COL5A1: variants seen among roughly 807,000 people sequenced by gnomAD.
COL5A1 encodes the protein collagen type V alpha 1 chain.
In COL5A1, 16 loss-of-function variants were observed where a neutral mutation model predicts 263.7. The ratio of observed to expected loss-of-function variants is 0.06; its 90% confidence interval spans 0.04 to 0.09. The LOEUF (loss-of-function observed/expected upper bound fraction) is 0.09, where lower values mean the gene tolerates loss of function less well. Ranked by LOEUF, COL5A1 falls within the 10% of genes least tolerant of loss-of-function variation. COL5A1 has a pLI of 1.00. For missense variants in COL5A1, 2,036 were observed against 2,540.5 expected (o/e 0.80, Z 4.27); for synonymous variants, 1,012 against 1,004.5 (o/e 1.01, Z -0.14).
chr9:134,790,605 CCCATCCATCCATCCATCCATCCAT>C (rs58733002), intron 32 of COL5A1, among the ~76,000 whole-genome samples: 1 of 84,500 alleles, frequency 1.2e-5, no homozygotes, highest in Non-Finnish European at 2.2e-5. Flanking sequence ...CATCCACCCA[CCCATCCATCCATCCATCCATCCAT>C]CCATCCATCC....
chr9:134,759,862 A>C (rs1369538002), intron 18 of COL5A1, among the ~76,000 whole-genome samples: 3 of 41,224 alleles, frequency 7.3e-5, no homozygotes, highest in African/African-American at 1.5e-4. Flanking sequence ...ACACCCCCAC[A>C]CTCACACATG....
chr9:134,710,689 AG>A (rs1168489622), intron 4 of COL5A1, among the ~76,000 whole-genome samples: 1 of 49,012 alleles, frequency 2.0e-5, no homozygotes, highest in Non-Finnish European at 3.8e-5. Context: ...GTGGTGGGGA[AG>A]GGGCCCCATT....
intron 64 of COL5A1, 88 bp downstream of exon 64, chr9:134,830,132 G>A (rs1363760355): frequency 3.1e-6 from 5 of 1,612,586 alleles, no homozygotes; most frequent in East Asian, 2.2e-5. Context: ...CTGGCCCAAA[G>A]AGCAGCCTTC....
rs868321152 is a variant in COL5A1 at position 134,642,416 on chromosome 9, C to T, written c.109+120C>T. On this transcript the variant is annotated intron_variant, in intron 1 of 65. Coordinates refer to ENST00000371817, the MANE Select transcript of COL5A1 (RefSeq NM_000093.5). This position sits in a 1 kb window ranked among gnomAD's most constrained non-coding sequence, Gnocchi z 4.5. ...TTCCTTGGCCTGTGGAATGCACGGG[C>T]CAAGACCACGAATGCCATTTGCTGG... is the stretch of plus-strand genomic sequence containing the variant. The T allele has an allele frequency of 1.7e-4, 36 of 208,998 alleles. No homozygotes were observed. Among genetic ancestry groups the T allele is most frequent in the African/African-American group, 7.5e-4 (32 of 42,798 alleles). 12.9% of individuals were successfully genotyped at this position (208,998 alleles called of 1,614,324 possible). A position where few individuals can be genotyped will look rare whatever the true frequency, so the allele number is the denominator to read the frequency against.
chr9:134,750,691 C>T (rs1312053580), intron 12 of COL5A1, 75 bp downstream of exon 12: 15 of 1,592,800 alleles, frequency 9.4e-6, no homozygotes, highest in East Asian at 2.2e-5. Context: ...TCTGAGGCTG[C>T]GCTGTCACTG....
intron 2 of COL5A1, among the ~76,000 whole-genome samples, chr9:134,691,285 C>A (rs559145203): frequency 1.3e-5 from 2 of 152,284 alleles, no homozygotes; most frequent in Admixed American, 1.3e-4. Flanking sequence ...TGGGCTTTGT[C>A]ACTGTCCTTC....
intron 11 of COL5A1, among the ~76,000 whole-genome samples, chr9:134,747,464 C>T (rs1201549230): frequency 3.3e-5 from 5 of 151,976 alleles, no homozygotes; most frequent in East Asian, 3.9e-4. Flanking sequence ...CCCACACAAA[C>T]GTACACATGC....
At chr9:134,824,562 C>T in intron 61 of COL5A1, 38 bp from the exon 62 acceptor site, 1 of 1,612,128 alleles carries the variant, frequency 6.2e-7, no homozygotes, top group Non-Finnish European at 8.5e-7. Context: ...CCCTTCCCAT[C>T]CTCCATCACC....
At chr9:134,675,150 A>G (rs1193512948) in intron 1 of COL5A1, among the ~76,000 whole-genome samples, 1 of 152,126 alleles carries the variant, frequency 6.6e-6, no homozygotes, top group Non-Finnish European at 1.5e-5. Flanking sequence ...TTTTTTCAGT[A>G]TTGCATGTAA....
chr9:134,818,879 C>G lies in COL5A1; in HGVS notation c.4370C>G (p.Pro1457Arg). ...GEQGLPGSPGPDGPPGPMGPP... is the reference protein window; with the variant it reads ...GEQGLPGSPGRDGPPGPMGPP... The stretch of plus-strand genomic sequence containing the variant: ...CAAGGTCTCCCAGGATCCCCAGGCC[C>G]GGACGGTCCCCCCGGCCCCATGGTG... Residue 1457 changes from proline to arginine, a missense_variant, in exon 56 of 66, where the codon CCG becomes CGG. By Grantham distance (103) the Pro-to-Arg change is moderately radical. Coordinates refer to ENST00000371817, the MANE Select transcript of COL5A1 (RefSeq NM_000093.5). The surrounding 1 kb of genome is among the most constrained non-coding windows in gnomAD (Gnocchi z 6.0). 6.2e-7 allele frequency: 1 copy of G among 1,613,072 alleles called. No homozygotes were observed. Among genetic ancestry groups the G allele is most frequent in the Middle Eastern group, 1.7e-4 (1 of 6,058 alleles).
chr9:134,748,270 T>A (rs1368409331), intron 11 of COL5A1, among the ~76,000 whole-genome samples: 1 of 151,312 alleles, frequency 6.6e-6, no homozygotes, highest in Non-Finnish European at 1.5e-5. Flanking sequence ...TGCACACACA[T>A]GCCTTTACAC....
intron 25 of COL5A1, among the ~76,000 whole-genome samples, chr9:134,771,249 G>C (rs1836856850): frequency 6.6e-6 from 1 of 152,238 alleles, no homozygotes; most frequent in Non-Finnish European, 1.5e-5. Context: ...TCACAGAAAG[G>C]TGTCTGTGGC....
intron 29 of COL5A1, 50 bp from the exon 30 acceptor site, chr9:134,784,939 A>AGT (rs149144012): frequency 1.2e-5 from 15 of 1,270,728 alleles, no homozygotes; most frequent in Non-Finnish European, 1.6e-5. Flanking sequence ...GGTGGAGAAT[A>AGT]GTGTGTGTGC....
At chr9:134,790,439 C>T (rs1160776629) in intron 32 of COL5A1, among the ~76,000 whole-genome samples, 1 of 117,590 alleles carries the variant, frequency 8.5e-6, no homozygotes, top group East Asian at 2.8e-4. Context: ...CCCATCCATC[C>T]ATCCACCCAC....
At chr9:134,819,755 T>C (rs1041514355) in intron 57 of COL5A1, among the ~76,000 whole-genome samples, 6 of 152,230 alleles carry the variant, frequency 3.9e-5, no homozygotes, top group African/African-American at 1.2e-4. Flanking sequence ...CCACAAACTT[T>C]GTTTTAGTTC....
At chr9:134,763,422 C>T (rs963326893) in intron 19 of COL5A1, among the ~76,000 whole-genome samples, 1 of 152,258 alleles carries the variant, frequency 6.6e-6, no homozygotes, top group Admixed American at 6.5e-5. Context: ...ATTAGATGCT[C>T]TTTCTGCCCA....
intron 52 of COL5A1, 61 bp downstream of exon 52, chr9:134,816,049 C>A: frequency 6.5e-7 from 1 of 1,549,014 alleles, no homozygotes; most frequent in Non-Finnish European, 8.9e-7. Flanking sequence ...TGGGACCTTG[C>A]AGCTTGCTTG....
At chr9:134,787,547 G>A (rs1337497436) in intron 31 of COL5A1, among the ~76,000 whole-genome samples, 1 of 152,228 alleles carries the variant, frequency 6.6e-6, no homozygotes, top group Non-Finnish European at 1.5e-5. Context: ...CGACCTCACT[G>A]CGGTGCTGCT....
rs962539765 is a variant in COL5A1 at position 134,755,586 on chromosome 9, G to A, written c.1828-1179G>A. ...CATTTCCTGCAAGGAACGCTCGCTT[G>A]TGAATTGTAGAAGCATCTGGGTGCT... On this transcript the variant is annotated intron_variant, in intron 16 of 65. Coordinates refer to ENST00000371817, the MANE Select transcript of COL5A1 (RefSeq NM_000093.5). The surrounding 1 kb of genome is among the most constrained non-coding windows in gnomAD (Gnocchi z 4.1). 6.6e-6 allele frequency among the ~76,000 whole-genome samples: 1 copy of A among 152,254 alleles called. No homozygotes were observed. Among genetic ancestry groups the A allele is most frequent in the African/African-American group, 2.4e-5 (1 of 41,464 alleles).
Sources: allele counts gnomAD v4.1 joint callset (sites outside exome capture counted in the v4.1 genomes callset), GRCh38; gene constraint gnomAD v4.1.1; non-coding constraint Gnocchi (gnomAD v3.1); transcripts MANE v1.5; gene names NCBI Gene and HGNC (gene_info 2026-07-23, HGNC 2026-07-21).